Variants in TENM3 observed in about 807,000 individuals in gnomAD.
The protein encoded by TENM3 is teneurin-3.
TENM3 carries 63 observed loss-of-function variants against 255.1 expected under a neutral mutation model. That is an observed-to-expected ratio of 0.25 (90% CI 0.20 to 0.30). The LOEUF (loss-of-function observed/expected upper bound fraction) is 0.30. Ranked by LOEUF, TENM3 falls within the 10% of genes least tolerant of loss-of-function variation. The pLI is 1.00. For synonymous variants in TENM3, 1,306 were observed against 1,322.3 expected (o/e 0.99, Z 0.27); for missense variants, 2,929 against 3,461.1 (o/e 0.85, Z 3.86).
chr4:182,707,724 G>T (rs977946763), intron 12 of TENM3: 1 of 152,166 alleles, frequency 6.6e-6, no homozygotes. Flanking sequence ...CCAAGGACCC[G>T]CAGGTCATAG....
the TENM3 span, among the ~76,000 whole-genome samples, chr4:182,038,706 C>T: frequency 6.6e-6 from 1 of 152,132 alleles, no homozygotes; most frequent in Non-Finnish European, 1.5e-5. Context: ...TGAATAGCTG[C>T]AGGAAGCTAA....
chr4:181,483,498 G>A, the TENM3 span, among the ~76,000 whole-genome samples: 30 of 152,126 alleles, frequency 2.0e-4, no homozygotes, highest in African/African-American at 6.7e-4. Context: ...AAGTTTTACC[G>A]AAATATACCA....
intron 3 of TENM3, among the ~76,000 whole-genome samples, chr4:182,522,565 T>A (rs909683529): frequency 2.0e-4 from 30 of 152,254 alleles, no homozygotes; most frequent in Non-Finnish European, 1.8e-4. Flanking sequence ...TACCACGTTT[T>A]CTTTCTTTTT....
chr4:182,422,908 G>C (rs752144893), intron 3 of TENM3, among the ~76,000 whole-genome samples: 2 of 152,192 alleles, frequency 1.3e-5, no homozygotes, highest in African/African-American at 4.8e-5. Context: ...GGCATGGAAA[G>C]TCTAAGTTGC....
chr4:182,442,134 G>A (rs1350716170), intron 3 of TENM3, among the ~76,000 whole-genome samples: 1 of 152,118 alleles, frequency 6.6e-6, no homozygotes, highest in African/African-American at 2.4e-5. Context: ...TATGGAGCAT[G>A]TACTTCCTCT....
intron 3 of TENM3, among the ~76,000 whole-genome samples, chr4:182,475,236 T>C (rs1268066283): frequency 1.3e-5 from 2 of 152,196 alleles, no homozygotes; most frequent in Non-Finnish European, 2.9e-5. Flanking sequence ...GGAAGACTGT[T>C]AGATGCCTAT....
chr4:181,665,217 A>T, the TENM3 span, among the ~76,000 whole-genome samples: 2 of 152,168 alleles, frequency 1.3e-5, no homozygotes, highest in South Asian at 4.1e-4. Context: ...TTTTTAACAG[A>T]TACCTGGGAC....
At chr4:182,036,690 A>T in the TENM3 span, among the ~76,000 whole-genome samples, 1 of 152,196 alleles carries the variant, frequency 6.6e-6, no homozygotes, top group African/African-American at 2.4e-5. Flanking sequence ...CCACTCGCAC[A>T]CATTTTGGAA....
chr4:182,026,680 G>A, the TENM3 span, among the ~76,000 whole-genome samples: 3 of 152,094 alleles, frequency 2.0e-5, no homozygotes, highest in Admixed American at 2.0e-4. Flanking sequence ...TCTGCATATG[G>A]ATAGCCAGTT....
chr4:182,322,968 A>T (rs1002493441), intron 1 of TENM3, among the ~76,000 whole-genome samples: 1 of 152,178 alleles, frequency 6.6e-6, no homozygotes, highest in African/African-American at 2.4e-5. Flanking sequence ...GGAAAACACG[A>T]AGGGCTGAAG....
intron 12 of TENM3, among the ~76,000 whole-genome samples, chr4:182,707,241 G>A (rs1758349477): frequency 6.6e-6 from 1 of 152,098 alleles, no homozygotes; most frequent in African/African-American, 2.4e-5. Flanking sequence ...GAAAAAGGAA[G>A]AATAAGATAA....
At chr4:181,946,314 A>C in the TENM3 span, among the ~76,000 whole-genome samples, 1 of 152,190 alleles carries the variant, frequency 6.6e-6, no homozygotes, top group Admixed American at 6.5e-5. Flanking sequence ...ACCCACATAA[A>C]AATACACCCT....
chr4:182,391,236 T>A (rs1768400091), intron 3 of TENM3, among the ~76,000 whole-genome samples: 1 of 151,224 alleles, frequency 6.6e-6, no homozygotes, highest in South Asian at 2.1e-4. Context: ...TCCGTGCCCA[T>A]GACTGAGAAG....
intron 12 of TENM3, among the ~76,000 whole-genome samples, chr4:182,699,378 G>A (rs924997369): frequency 2.6e-5 from 4 of 152,286 alleles, no homozygotes; most frequent in Admixed American, 2.0e-4. Flanking sequence ...TGGCAAACCC[G>A]ATTCCTTCCT....
At chr4:181,903,116 A>C in the TENM3 span, among the ~76,000 whole-genome samples, 2 of 152,138 alleles carry the variant, frequency 1.3e-5, no homozygotes, top group African/African-American at 4.8e-5. Context: ...GCAAATAGTC[A>C]CTGGATGCCC....
At chr4:182,039,597 T>C in the TENM3 span, among the ~76,000 whole-genome samples, 1 of 152,048 alleles carries the variant, frequency 6.6e-6, no homozygotes, top group African/African-American at 2.4e-5. Flanking sequence ...ACATGAATGA[T>C]ACTATAACAT....
the TENM3 span, among the ~76,000 whole-genome samples, chr4:181,995,794 A>T: frequency 6.6e-6 from 1 of 152,180 alleles, no homozygotes; most frequent in East Asian, 1.9e-4. Context: ...TGAAATAGTC[A>T]TCTATTTCAG....
the TENM3 span, among the ~76,000 whole-genome samples, chr4:182,098,320 A>G: frequency 3.3e-5 from 5 of 152,212 alleles, no homozygotes; most frequent in Non-Finnish European, 7.3e-5. Context: ...TGATCCAGCA[A>G]TCCCACTGCT....
chr4:181,454,404 C>T, the TENM3 span, among the ~76,000 whole-genome samples: 9 of 152,158 alleles, frequency 5.9e-5, no homozygotes, highest in East Asian at 1.7e-3. Flanking sequence ...GTGTAGCCAT[C>T]GTAATATCAT....
Sources: gnomAD v4.1 joint callset for allele counts (sites outside exome capture counted in the v4.1 genomes callset) on GRCh38, gnomAD v4.1.1 for gene constraint, MANE v1.5 for transcripts, NCBI Gene and HGNC (gene_info 2026-07-23, HGNC 2026-07-21) for gene names.